BCAS3: variants seen among roughly 807,000 people sequenced by gnomAD.
BCAS3 encodes BCAS3 microtubule associated cell migration factor.
BCAS3 carries 53 observed loss-of-function variants against 116.1 expected under a neutral mutation model. That is an observed-to-expected ratio of 0.46 (90% CI 0.37 to 0.57). The LOEUF is 0.57. Among genes scored for constraint, BCAS3 ranks in the 20% least tolerant of loss-of-function variants. BCAS3 has a pLI of 0.00. For missense variants in BCAS3, 917 were observed against 1,165.4 expected, an observed-to-expected ratio of 0.79 and a Z score of 3.10; for synonymous variants, 391 against 408.2, an observed-to-expected ratio of 0.96 and a Z score of 0.51.
chr17:60,751,837 C>T lies in BCAS3; in HGVS notation c.403+4558C>T, dbSNP rs570669362. On this transcript the variant is annotated intron_variant, in intron 6 of 23. Coordinates refer to ENST00000407086, the MANE Select transcript of BCAS3 (RefSeq NM_017679.5). ...GGATTACAGGTGTGAGCCACTGCGC[C>T]CAGACTGTTTTTAATTTCTTAAAGT... 1.9e-4 allele frequency among the ~76,000 whole-genome samples: 29 copies of T among 152,160 alleles called. No homozygotes were observed. In the South Asian group the frequency reaches 5.8e-3, roughly 30 times the overall value.
intron 22 of BCAS3, among the ~76,000 whole-genome samples, chr17:61,288,847 G>C (rs2052093997): frequency 6.6e-6 from 1 of 152,212 alleles, no homozygotes. Context: ...ATGGTGGCTG[G>C]TGTTTTCCAG....
intron 6 of BCAS3, among the ~76,000 whole-genome samples, chr17:60,767,340 CTTTTTTTTTTTT>C (rs779804407): frequency 1.7e-5 from 2 of 116,426 alleles, no homozygotes; most frequent in Non-Finnish European, 3.3e-5. Flanking sequence ...CTCAGAAGTC[CTTTTTTTTTTTT>C]TTTTTTTTTT....
chr17:60,837,396 C>G (rs536106879), intron 7 of BCAS3, among the ~76,000 whole-genome samples: 33 of 152,144 alleles, frequency 2.2e-4, no homozygotes, highest in African/African-American at 7.7e-4. Flanking sequence ...AATTGATAAC[C>G]CTTTAATGAG....
At chr17:60,727,955 A>C (rs943029677) in intron 5 of BCAS3, among the ~76,000 whole-genome samples, 1 of 151,628 alleles carries the variant, frequency 6.6e-6, no homozygotes, top group Non-Finnish European at 1.5e-5. Flanking sequence ...CTACAGGTGC[A>C]TGCCACCATG....
chr17:60,734,120 A>G (rs2040733180), intron 5 of BCAS3, among the ~76,000 whole-genome samples: 1 of 152,114 alleles, frequency 6.6e-6, no homozygotes, highest in Non-Finnish European at 1.5e-5. Flanking sequence ...ATTTAGTTTG[A>G]GAGACAAAGT....
intron 21 of BCAS3, among the ~76,000 whole-genome samples, chr17:61,080,777 A>C (rs2072524878): frequency 6.6e-6 from 1 of 152,160 alleles, no homozygotes; most frequent in Non-Finnish European, 1.5e-5. Flanking sequence ...CAAACAAACC[A>C]ACACACAAAA....
intron 3 of BCAS3, among the ~76,000 whole-genome samples, chr17:60,688,483 A>G (rs2143841499): frequency 6.6e-6 from 1 of 152,024 alleles, no homozygotes; most frequent in East Asian, 1.9e-4. Flanking sequence ...TGTAGAGATG[A>G]GGTTTCTCCA....
At chr17:60,865,941 T>C (rs1172783580) in intron 7 of BCAS3, among the ~76,000 whole-genome samples, 1 of 152,158 alleles carries the variant, frequency 6.6e-6, no homozygotes, top group African/African-American at 2.4e-5. Flanking sequence ...TGTTTTTCTC[T>C]TGAAAAGGGT....
In BCAS3 at chr17:61,257,420, C is replaced by CAAAAAA. The variant is rs35124459; in HGVS notation, c.2426-110889_2426-110884dup. Among the ~76,000 whole-genome samples the CAAAAAA allele has an allele frequency of 8.7e-5, 5 of 57,222 alleles. 1 individual carries two copies. Among genetic ancestry groups the CAAAAAA allele is most frequent in the African/African-American group, 2.9e-4 (4 of 13,932 alleles). 37.5% of individuals were successfully genotyped at this position (57,222 alleles called of 152,430 possible). On this transcript the variant is annotated intron_variant, in intron 22 of 23. Transcript: ENST00000407086. ...TGGGAGACAGAGCGAGACTCCATCT[C>CAAAAAA]AAAAAAAAAAAAAAAAAAAAAAAGG... is the stretch of plus-strand genomic sequence containing the variant.
chr17:60,849,111 C>T (rs1024887049), intron 7 of BCAS3, among the ~76,000 whole-genome samples: 6 of 152,064 alleles, frequency 3.9e-5, no homozygotes, highest in Admixed American at 3.3e-4. Context: ...CACACAAAAC[C>T]GTTTTAAGGA....
At position 60,995,412 on chromosome 17, in the gene BCAS3, G is replaced by A. The variant is rs1054884741; in HGVS notation, c.1486+5177G>A. Among the ~76,000 whole-genome samples, 2 of 151,608 alleles carry A rather than the reference G, an allele frequency of 1.3e-5. No homozygotes were observed. Among genetic ancestry groups the A allele is most frequent in the African/African-American group, 2.4e-5 (1 of 41,242 alleles). Reference sequence around the variant, plus strand: ...ACCGTGAGTGAGTGATCTGCCCACCGTGGCCTCCCAAAGTGCTGGGATTAC... The same window carrying A: ...ACCGTGAGTGAGTGATCTGCCCACCATGGCCTCCCAAAGTGCTGGGATTAC... On this transcript the variant is annotated intron_variant, in intron 15 of 23. Transcript: ENST00000407086. The surrounding 1 kb of genome is among the most constrained non-coding windows in gnomAD (Gnocchi z 4.7).
At chr17:60,971,934 G>C (rs190172729) in intron 14 of BCAS3, among the ~76,000 whole-genome samples, 7 of 152,308 alleles carry the variant, frequency 4.6e-5, no homozygotes, top group Non-Finnish European at 7.3e-5. Flanking sequence ...CTAAAAAAGG[G>C]AGTGTACTTG....
chr17:61,137,792 A>G (rs1280599042), intron 22 of BCAS3, among the ~76,000 whole-genome samples: 1 of 152,168 alleles, frequency 6.6e-6, no homozygotes, highest in Non-Finnish European at 1.5e-5. Flanking sequence ...ACAAAATGCT[A>G]AAAACTGAAT....
rs919536213 is a variant in BCAS3, at chr17:61,133,000, C to G, written c.2425+48436C>G. Among the ~76,000 whole-genome samples, 3 of 152,076 alleles carry G rather than the reference C, an allele frequency of 2.0e-5. No homozygotes were observed. The highest frequency in any genetic ancestry group is 4.4e-5 in the Non-Finnish European group (3 of 68,024). On this transcript the variant is annotated intron_variant, in intron 22 of 23. Coordinates refer to ENST00000407086, the MANE Select transcript of BCAS3 (RefSeq NM_017679.5). This position sits in a 1 kb window ranked among gnomAD's most constrained non-coding sequence, Gnocchi z 5.1. ...TACTGAAAGAATCTTGTCAGATATC[C>G]AAGGCTAAAGGAAAATTTTAAATCT...
chr17:60,898,237 G>A (rs1425051823), intron 10 of BCAS3, among the ~76,000 whole-genome samples: 2 of 152,138 alleles, frequency 1.3e-5, no homozygotes, highest in Non-Finnish European at 2.9e-5. Context: ...TGGCTGGAGA[G>A]TTATTGTGTT....
chr17:61,291,566 T>C (rs930325263), intron 22 of BCAS3, among the ~76,000 whole-genome samples: 7 of 152,254 alleles, frequency 4.6e-5, no homozygotes, highest in African/African-American at 1.7e-4. Context: ...CTTGTTTTGC[T>C]GTGCTTCCCA....
At chr17:60,735,996 A>G (rs1462510960) in intron 5 of BCAS3, among the ~76,000 whole-genome samples, 1 of 143,194 alleles carries the variant, frequency 7.0e-6, no homozygotes, top group Non-Finnish European at 1.5e-5. Context: ...CATTTTTTGA[A>G]GGTTGAACCA....
chr17:60,724,598 A>G (rs112929716), intron 5 of BCAS3, among the ~76,000 whole-genome samples: 18,020 of 150,544 alleles, frequency 0.12, 3,252 homozygotes, highest in African/African-American at 0.39. Context: ...GGTGGAATGC[A>G]CCTGTAAGCC....
At chr17:61,115,635 T>A (rs2075382873) in intron 22 of BCAS3, among the ~76,000 whole-genome samples, 1 of 134,908 alleles carries the variant, frequency 7.4e-6, no homozygotes, top group Admixed American at 7.7e-5. Context: ...ACTTTTACAC[T>A]GTTGATGGGA....
Sources: allele counts gnomAD v4.1 joint callset (sites outside exome capture counted in the v4.1 genomes callset), GRCh38; gene constraint gnomAD v4.1.1; non-coding constraint Gnocchi (gnomAD v3.1); transcripts MANE v1.5; gene names NCBI Gene and HGNC (gene_info 2026-07-23, HGNC 2026-07-21).